PTPRS: variants seen among roughly 807,000 people sequenced by gnomAD.
PTPRS encodes receptor-type tyrosine-protein phosphatase S.
PTPRS carries 63 observed loss-of-function variants against 215.3 expected under a neutral mutation model. The observed-to-expected ratio is 0.29, with a 90% CI of 0.24 to 0.36. The LOEUF (loss-of-function observed/expected upper bound fraction) is 0.36, where lower values mean the gene tolerates loss of function less well. Ranked by LOEUF, PTPRS falls within the 10% of genes least tolerant of loss-of-function variation. The pLI is 1.00. For synonymous variants in PTPRS, 1,404 were observed against 1,191.4 expected, an observed-to-expected ratio of 1.18 and a Z score of -3.68; for missense variants, 2,258 against 2,825.8, an observed-to-expected ratio of 0.80 and a Z score of 4.56.
chr19:5,228,802 G>C (rs2042746007), intron 16 of PTPRS, among the ~76,000 whole-genome samples: 1 of 152,204 alleles, frequency 6.6e-6, no homozygotes, highest in African/African-American at 2.4e-5. Context: ...TTGTAACCAG[G>C]CTATCACAGA....
chr19:5,226,132 C>G lies in PTPRS; in HGVS notation c.2377-288G>C, dbSNP rs534558321. Reference sequence around the variant, plus strand: ...CACCCCCGACAGTCTGTCCTCCCCACAGCAGCCAGAGGGCGCCTGTGAGCA... The same window carrying G: ...CACCCCCGACAGTCTGTCCTCCCCAGAGCAGCCAGAGGGCGCCTGTGAGCA... On this transcript the variant is annotated intron_variant, in intron 16 of 37. Coordinates refer to ENST00000262963, the MANE Select transcript of PTPRS (RefSeq NM_002850.4). Among the ~76,000 whole-genome samples the G allele has an allele frequency of 3.3e-5, 5 of 152,364 alleles. No individual in the cohort carries two copies. In the East Asian group the frequency reaches 9.6e-4, roughly 29 times the overall value.
At chr19:5,322,637 T>C (rs937131175) in intron 1 of PTPRS, among the ~76,000 whole-genome samples, 3 of 151,980 alleles carry the variant, frequency 2.0e-5, no homozygotes, top group African/African-American at 7.3e-5. Context: ...CCCAGCACTT[T>C]AGGAGGCTGA....
intron 26 of PTPRS, 39 bp from the exon 27 acceptor site, chr19:5,215,634 G>C (rs573758099): frequency 1.3e-6 from 2 of 1,491,936 alleles, no homozygotes; most frequent in African/African-American, 1.4e-5. Context: ...TTGGTCACTT[G>C]GGGGGCCAGC....
At chr19:5,311,732 A>G (rs1402397143) in intron 1 of PTPRS, among the ~76,000 whole-genome samples, 2 of 152,004 alleles carry the variant, frequency 1.3e-5, no homozygotes, top group African/African-American at 4.8e-5. Flanking sequence ...GGCGAGAGGG[A>G]GTGAATATTG....
At position 5,223,176 on chromosome 19, in the gene PTPRS, A is replaced by C; in HGVS notation, c.2616T>G (p.Arg872=). The stretch of plus-strand genomic sequence containing the variant: ...GGGTGGCCAGGGGCGTCGAGTCCTC[A>C]CGGCCAAACTGCAGGCGGTAGCCCA... ...QVLGYRLQFG[R]EDSTPLATLE... The change falls in exon 18 of 38, where the codon CGT becomes CGG. Residue 872 remains arginine, a synonymous_variant. Coordinates refer to ENST00000262963, the MANE Select transcript of PTPRS (RefSeq NM_002850.4). The C allele has an allele frequency of 6.4e-6, 10 of 1,562,616 alleles. No homozygotes were observed. The highest frequency in any genetic ancestry group is 8.7e-6 in the Non-Finnish European group (10 of 1,154,530).
Position 5,297,091 on chromosome 19 carries a change from T to C in PTPRS, c.-94-10857A>G, listed in dbSNP as rs941336489. ...GCCACCTCCAGGAAGCCCTCCCTGA[T>C]TGCCCCGCCTACTCCGTGCCCTTGG... On this transcript the variant is annotated intron_variant, in intron 1 of 37. Coordinates refer to ENST00000262963, the MANE Select transcript of PTPRS (RefSeq NM_002850.4). 3.9e-5 allele frequency among the ~76,000 whole-genome samples: 6 copies of C among 152,112 alleles called. No homozygotes were observed. In the East Asian group the frequency reaches 9.7e-4, roughly 24 times the overall value.
At chr19:5,282,029 C>T (rs2047894997) in intron 2 of PTPRS, among the ~76,000 whole-genome samples, 1 of 152,140 alleles carries the variant, frequency 6.6e-6, no homozygotes. Flanking sequence ...CCCACCGCAG[C>T]CTGGGCGTCC....
rs143524584 is a variant in PTPRS, at chr19:5,305,168, A to G, written c.-94-18934T>C. On this transcript the variant is annotated intron_variant, in intron 1 of 37. Coordinates refer to ENST00000262963, the MANE Select transcript of PTPRS (RefSeq NM_002850.4). Reference sequence around the variant, plus strand: ...CAAAACACTCAGAACTGAGCTGGGCATACAGCAGGTGCTCAGTGAGCACAT... The same window carrying G: ...CAAAACACTCAGAACTGAGCTGGGCGTACAGCAGGTGCTCAGTGAGCACAT... Among the ~76,000 whole-genome samples, 895 of 152,340 alleles carry G rather than the reference A, an allele frequency of 5.9e-3. 5 individuals are homozygous for G. The highest frequency in any genetic ancestry group is 0.021 in the African/African-American group (860 of 41,580).
chr19:5,234,423 T>G (rs2043266560), intron 13 of PTPRS, among the ~76,000 whole-genome samples: 1 of 152,256 alleles, frequency 6.6e-6, no homozygotes, highest in Non-Finnish European at 1.5e-5. Context: ...GAGCACCTAC[T>G]GTGTGCCAAA....
At chr19:5,230,323 TCTCTTA>T (rs2145641016) in intron 14 of PTPRS, among the ~76,000 whole-genome samples, 1 of 152,310 alleles carries the variant, frequency 6.6e-6, no homozygotes, top group Non-Finnish European at 1.5e-5. Flanking sequence ...TGAGACAGGT[TCTCTTA>T]CTCTGTCACC....
intron 1 of PTPRS, among the ~76,000 whole-genome samples, chr19:5,317,317 C>A (rs111936985): frequency 6.6e-6 from 1 of 152,002 alleles, no homozygotes. Context: ...AGTAAAAATA[C>A]AAAAATTAGC....
chr19:5,240,733 G>A (rs1288020028), intron 11 of PTPRS, among the ~76,000 whole-genome samples: 1 of 151,408 alleles, frequency 6.6e-6, no homozygotes, highest in African/African-American at 2.4e-5. Flanking sequence ...CAGCTACTCG[G>A]GAGGCTGAGG....
intron 1 of PTPRS, among the ~76,000 whole-genome samples, chr19:5,311,363 T>G (rs905821683): frequency 6.6e-6 from 1 of 152,168 alleles, no homozygotes; most frequent in Admixed American, 6.5e-5. Flanking sequence ...TTTTTCCCTC[T>G]GTCTTCTCCG....
intron 9 of PTPRS, among the ~76,000 whole-genome samples, chr19:5,252,767 G>C (rs2045237717): frequency 6.7e-6 from 1 of 149,774 alleles, no homozygotes; most frequent in Non-Finnish European, 1.5e-5. Context: ...CCAGCTACTT[G>C]GGAGGCTGAG....
At chr19:5,288,126 G>A (rs1474334571) in intron 1 of PTPRS, among the ~76,000 whole-genome samples, 1 of 152,044 alleles carries the variant, frequency 6.6e-6, no homozygotes, top group African/African-American at 2.4e-5. Flanking sequence ...GGTGGGGCAG[G>A]CAGTACACAT....
Position 5,237,676 on chromosome 19 carries a change from G to A in PTPRS, c.1849+1243C>T, listed in dbSNP as rs1190855552. On this transcript the variant is annotated intron_variant, in intron 13 of 37. Transcript: ENST00000262963. This position sits in a 1 kb window ranked among gnomAD's most constrained non-coding sequence, Gnocchi z 4.2. ...GTGGGCCGTTTTTGTGAACCTGCTT[G>A]AGACCAGCGTGTACTCACCTTCAGG... 6.6e-6 allele frequency among the ~76,000 whole-genome samples: 1 copy of A among 152,120 alleles called. No homozygotes were observed. The highest frequency in any genetic ancestry group is 1.5e-5 in the Non-Finnish European group (1 of 68,012).
At position 5,286,157 on chromosome 19, in the gene PTPRS, C is replaced by T. The variant is rs372198679; in HGVS notation, c.-17G>A. ...GGGCGCCATGCTTGGCAGCGACCTC[C>T]GATCTCCGCCCTGGAGGGGGATGGC... On this transcript the variant is annotated 5_prime_UTR_variant, in exon 2 of 38. Coordinates refer to ENST00000262963, the MANE Select transcript of PTPRS (RefSeq NM_002850.4). 6.9e-5 allele frequency: 112 copies of T among 1,612,314 alleles called. No individual in the cohort carries two copies. Among genetic ancestry groups the T allele is most frequent in the Non-Finnish European group, 9.2e-5 (109 of 1,179,366 alleles).
At chr19:5,238,052 T>G (rs2043633540) in intron 13 of PTPRS, among the ~76,000 whole-genome samples, 1 of 149,950 alleles carries the variant, frequency 6.7e-6, no homozygotes, top group Admixed American at 6.6e-5. Flanking sequence ...ACTGACTGGG[T>G]GAAGGGAGGG....
chr19:5,322,451 C>T (rs147017116), intron 1 of PTPRS, among the ~76,000 whole-genome samples: 97 of 152,154 alleles, frequency 6.4e-4, no homozygotes, highest in Non-Finnish European at 1.1e-3. Context: ...GGTGAGAATG[C>T]GGGGGTGGGA....
Sources: gnomAD v4.1 joint callset for allele counts (sites outside exome capture counted in the v4.1 genomes callset) on GRCh38, gnomAD v4.1.1 for gene constraint, Gnocchi (gnomAD v3.1) non-coding constraint, MANE v1.5 for transcripts, NCBI Gene and HGNC (gene_info 2026-07-23, HGNC 2026-07-21) for gene names.